The following RBM6 variants were observed in gnomAD, a reference collection of about 807,000 sequenced individuals.
RBM6 encodes RNA binding motif protein 6.
In RBM6, 23 loss-of-function variants were observed where a neutral mutation model predicts 140.4. That is an observed-to-expected ratio of 0.16 (90% CI 0.12 to 0.23). The LOEUF (loss-of-function observed/expected upper bound fraction) is 0.23. Among genes scored for constraint, RBM6 ranks in the 10% least tolerant of loss-of-function variants. The probability of loss-of-function intolerance (pLI) is 1.00; values close to 1 mark genes in which losing one functional copy is unlikely to be tolerated. For missense variants in RBM6, 1,139 were observed against 1,386.7 expected, an observed-to-expected ratio of 0.82 and a Z score of 2.84; for synonymous variants, 439 against 475.6, an observed-to-expected ratio of 0.92 and a Z score of 1.00.
At chr3:49,969,170 A>G (rs1374192062) in intron 3 of RBM6, among the ~76,000 whole-genome samples, 1 of 151,620 alleles carries the variant, frequency 6.6e-6, no homozygotes, top group Non-Finnish European at 1.5e-5. Flanking sequence ...GATTGCAGGC[A>G]TGTGCCACCA....
chr3:50,016,997 T>C (rs2087199736), intron 6 of RBM6, among the ~76,000 whole-genome samples: 4 of 152,114 alleles, frequency 2.6e-5, no homozygotes, highest in Admixed American at 2.6e-4. Context: ...AGTTAACTTT[T>C]GTATTTTTAG....
At chr3:50,059,839 A>T in intron 11 of RBM6, 93 bp downstream of exon 11, 1 of 977,792 alleles carries the variant, frequency 1.0e-6, no homozygotes, top group Non-Finnish European at 1.5e-6. Flanking sequence ...GTAAAGCATG[A>T]TGTTTTCCTA....
chr3:50,010,430 A>G (rs1418257846), intron 6 of RBM6, among the ~76,000 whole-genome samples: 1 of 152,070 alleles, frequency 6.6e-6, no homozygotes, highest in Non-Finnish European at 1.5e-5. Flanking sequence ...ATGATAACTG[A>G]TTGATACAGG....
At chr3:49,946,848 GT>G (rs778856917) in intron 1 of RBM6, among the ~76,000 whole-genome samples, 88 of 139,820 alleles carry the variant, frequency 6.3e-4, no homozygotes, top group South Asian at 2.7e-3. Context: ...TTTCTGTTTC[GT>G]TTTTTTTTTT....
chr3:49,984,194 G>C (rs753281435), intron 5 of RBM6, among the ~76,000 whole-genome samples: 6 of 152,172 alleles, frequency 3.9e-5, no homozygotes, highest in Non-Finnish European at 5.9e-5. Flanking sequence ...CTACTTAGGA[G>C]GCTAAAGCAG....
chr3:49,993,642 A>C (rs1436848382), intron 5 of RBM6, among the ~76,000 whole-genome samples: 1 of 152,194 alleles, frequency 6.6e-6, no homozygotes, highest in East Asian at 1.9e-4. Context: ...ACTCTGTCTC[A>C]AAAGAAAAAA....
At chr3:50,022,673 GT>G (rs2087564403) in intron 6 of RBM6, among the ~76,000 whole-genome samples, 1 of 152,034 alleles carries the variant, frequency 6.6e-6, no homozygotes. Context: ...AGGCAGAATA[GT>G]TTTACATTTG....
chr3:50,023,304 A>G (rs2087614304), intron 6 of RBM6, among the ~76,000 whole-genome samples: 2 of 151,382 alleles, frequency 1.3e-5, no homozygotes, highest in South Asian at 2.1e-4. Flanking sequence ...TCTCTCAGTT[A>G]CTTCTTATTT....
chr3:50,040,493 T>TATATACACACAC (rs749096137), intron 6 of RBM6, among the ~76,000 whole-genome samples: 5 of 85,878 alleles, frequency 5.8e-5, no homozygotes, highest in African/African-American at 2.3e-4. Context: ...TATATATATA[T>TATATACACACAC]ACACACACAC....
intron 7 of RBM6, among the ~76,000 whole-genome samples, chr3:50,048,615 C>A (rs933624626): frequency 6.6e-6 from 1 of 152,240 alleles, no homozygotes; most frequent in South Asian, 2.1e-4. Flanking sequence ...AATATCTTCT[C>A]ACCTCTCCTG....
At chr3:50,023,375 G>A (rs1263163587) in intron 6 of RBM6, among the ~76,000 whole-genome samples, 1 of 151,856 alleles carries the variant, frequency 6.6e-6, no homozygotes, top group Non-Finnish European at 1.5e-5. Flanking sequence ...GCGCGATCTC[G>A]GCTGACTGCA....
rs1339181429 is a variant in RBM6, at chr3:49,968,019, G to A, written c.594G>A (p.Arg198=). The A allele has an allele frequency of 2.0e-5, 32 of 1,613,958 alleles. No homozygotes were observed. Among genetic ancestry groups the A allele is most frequent in the African/African-American group, 2.7e-5 (2 of 74,888 alleles). Residue 198 remains arginine (R), a synonymous_variant, in exon 3 of 21, where the codon AGG becomes AGA. Coordinates refer to ENST00000266022, the MANE Select transcript of RBM6 (RefSeq NM_005777.3). ...GATCCCATGCAGATTTTAGGGGAAG[G>A]GATTTATCAGATTTGGATTTTAGGG... The part of the protein sequence containing the change: ...RDGSHADFRG[R]DLSDLDFRAR...
chr3:49,971,446 A>G (rs1006439113), intron 3 of RBM6, among the ~76,000 whole-genome samples: 5 of 147,982 alleles, frequency 3.4e-5, no homozygotes, highest in African/African-American at 7.4e-5. Context: ...CTCTGTCTCA[A>G]AAAAAAAAAG....
At chr3:49,973,878 G>A (rs955584753) in intron 4 of RBM6, among the ~76,000 whole-genome samples, 7 of 140,762 alleles carry the variant, frequency 5.0e-5, no homozygotes, top group African/African-American at 1.3e-4. Flanking sequence ...GAGCCACCGC[G>A]CCCAGCATTT....
At chr3:49,949,054 T>C (rs2108578194) in intron 1 of RBM6, among the ~76,000 whole-genome samples, 1 of 151,500 alleles carries the variant, frequency 6.6e-6, no homozygotes, top group South Asian at 2.1e-4. Context: ...TGGTCTCAAA[T>C]TTCTGACCTT....
intron 1 of RBM6, among the ~76,000 whole-genome samples, chr3:49,942,941 T>G (rs1050282135): frequency 1.3e-5 from 2 of 152,212 alleles, no homozygotes; most frequent in African/African-American, 4.8e-5. Context: ...ATCTACTTTG[T>G]GTCTGTCTGT....
At chr3:50,031,921 C>T (rs2088190349) in intron 6 of RBM6, among the ~76,000 whole-genome samples, 1 of 152,168 alleles carries the variant, frequency 6.6e-6, no homozygotes, top group South Asian at 2.1e-4. Context: ...TTTCACATTG[C>T]ATGCCTGTAT....
chr3:49,961,814 A>T (rs1331221737), intron 1 of RBM6, among the ~76,000 whole-genome samples: 4 of 150,842 alleles, frequency 2.7e-5, no homozygotes, highest in Non-Finnish European at 5.9e-5. Context: ...AAAAAAAAAA[A>T]GTATTTTTCT....
chr3:50,073,050 C>T (rs894533452), intron 19 of RBM6, among the ~76,000 whole-genome samples: 1 of 152,132 alleles, frequency 6.6e-6, no homozygotes. Flanking sequence ...TACCCATGGC[C>T]TCAACCACCA....
Sources: allele counts gnomAD v4.1 joint callset (sites outside exome capture counted in the v4.1 genomes callset), GRCh38; gene constraint gnomAD v4.1.1; transcripts MANE v1.5; gene names NCBI Gene and HGNC (gene_info 2026-07-23, HGNC 2026-07-21).